The following YY1AP1 variants were observed in gnomAD, a reference collection of about 807,000 sequenced individuals.
YY1AP1 encodes YY1 associated protein 1, also known as YY1-associated protein 1.
YY1AP1 carries 43 observed loss-of-function variants against 39.9 expected under a neutral mutation model. The observed-to-expected ratio is 1.08, with a 90% CI of 0.84 to 1.39. The LOEUF (loss-of-function observed/expected upper bound fraction) is 1.39, where lower values mean the gene tolerates loss of function less well. Among genes scored for constraint, YY1AP1 ranks in the 40% most tolerant of loss-of-function variants. YY1AP1 has a pLI of 0.00. For synonymous variants in YY1AP1, 292 were observed against 331.3 expected (o/e 0.88, Z 1.29); for missense variants, 813 against 900.7 (o/e 0.90, Z 1.25).
chr1:155,680,843 A>G (rs192113971), intron 2 of YY1AP1, among the ~76,000 whole-genome samples: 247 of 152,332 alleles, frequency 1.6e-3, no homozygotes, highest in Non-Finnish European at 2.8e-3. Flanking sequence ...CTGGGGTTAC[A>G]GGCATGAGCC....
rs1207427776 is a variant in YY1AP1 at position 155,668,506 on chromosome 1, T to C, written c.879+121A>G. Reference sequence around the variant, plus strand: ...AGGCAACAGGGGAATTAATCTAGTATATAAGTAGGAGAAATTAGCTTTAGA... The same window carrying C: ...AGGCAACAGGGGAATTAATCTAGTACATAAGTAGGAGAAATTAGCTTTAGA... On this transcript the variant is annotated intron_variant, in intron 9 of 10. Coordinates refer to ENST00000355499, the MANE Select transcript of YY1AP1 (RefSeq NM_139119.3). 33 of 1,491,818 alleles carry C rather than the reference T, an allele frequency of 2.2e-5. No individual in the cohort carries two copies. In the African/African-American group the frequency reaches 2.9e-4, roughly 13 times the overall value. The allele number at this position is 1,491,818 out of a possible 1,614,324, so 92.4% of individuals were successfully genotyped here.
rs566119245 is a variant in YY1AP1, at chr1:155,674,789, G to A, written c.411+221C>T. 1.7e-4 allele frequency: 64 copies of A among 377,980 alleles called. 1 individual carries two copies. Among genetic ancestry groups the A allele is most frequent in the South Asian group, 1.7e-3 (57 of 34,004 alleles). The allele number at this position is 377,980 out of a possible 1,614,324, so 23.4% of individuals were successfully genotyped here. A position where few individuals can be genotyped will look rare whatever the true frequency, so the allele number is the denominator to read the frequency against. On this transcript the variant is annotated intron_variant, in intron 6 of 10. Coordinates refer to ENST00000355499, the MANE Select transcript of YY1AP1 (RefSeq NM_139119.3). The stretch of plus-strand genomic sequence containing the variant: ...TGCAGTGAACTGAAATTGTTCCACC[G>A]CACTCCATCCTGGGTGAAAGAGCAA...
At position 155,676,750 on chromosome 1, in the gene YY1AP1, T is replaced by C. The variant is rs748309806; in HGVS notation, c.126-4A>G. 3.7e-6 allele frequency: 6 copies of C among 1,613,794 alleles called. No individual in the cohort carries two copies. The highest frequency in any genetic ancestry group is 1.6e-4 in the Middle Eastern group (1 of 6,078). On this transcript the variant is annotated splice_polypyrimidine_tract_variant and splice_region_variant and intron_variant, in intron 4 of 10. Transcript: ENST00000355499. ...GTTGGCCAGTAGTTCCTCAAACCTA[T>C]CCCAAACGGGGATGACTGAATTTGA...
chr1:155,663,731 C>T (rs144757242), intron 9 of YY1AP1, among the ~76,000 whole-genome samples: 1 of 151,618 alleles, frequency 6.6e-6, no homozygotes, highest in African/African-American at 2.4e-5. Context: ...AACAAACAAA[C>T]AAACAAAAAC....
intron 1 of YY1AP1, 32 bp from the exon 2 acceptor site, chr1:155,688,233 G>C: frequency 5.0e-6 from 8 of 1,612,750 alleles, no homozygotes; most frequent in Non-Finnish European, 6.8e-6. Context: ...AGAAGGGAAA[G>C]GTGGAGGGCT....
At chr1:155,668,879 C>T (rs1216098363) in intron 8 of YY1AP1, 102 bp from the exon 9 acceptor site, 11 of 1,551,924 alleles carry the variant, frequency 7.1e-6, no homozygotes. Flanking sequence ...CTTACTTGTT[C>T]TTAAAACAAG....
intron 2 of YY1AP1, among the ~76,000 whole-genome samples, chr1:155,681,287 C>G (rs1651477898): frequency 6.6e-6 from 1 of 152,052 alleles, no homozygotes; most frequent in South Asian, 2.1e-4. Flanking sequence ...ACCTCAGCCT[C>G]CCAAAGTGCT....
Position 155,675,057 on chromosome 1 carries a change from A to G in YY1AP1, c.364T>C (p.Cys122Arg). ...GCCTCCGGATTGAGATTGGGGTTGC[A>G]GGTGGCAAGAAGGTGGATTTGTGTC... ...LLTQIHLLAT[C>R]NPNLNPEASS... The change falls in exon 6 of 11, where the codon TGC (cysteine) becomes CGC (arginine). Residue 122 changes from cysteine to arginine, a missense_variant. Transcript: ENST00000355499. 6.2e-7 allele frequency: 1 copy of G among 1,613,850 alleles called. No individual in the cohort carries two copies. The highest frequency in any genetic ancestry group is 8.5e-7 in the Non-Finnish European group (1 of 1,179,802).
chr1:155,667,980 A>G (rs889205391), intron 9 of YY1AP1, among the ~76,000 whole-genome samples: 1 of 151,674 alleles, frequency 6.6e-6, no homozygotes, highest in African/African-American at 2.4e-5. Context: ...ACACACACAT[A>G]CATGCATACA....
chr1:155,687,526 C>A (rs1652639658), intron 2 of YY1AP1, among the ~76,000 whole-genome samples: 1 of 139,330 alleles, frequency 7.2e-6, no homozygotes, highest in Non-Finnish European at 1.5e-5. Flanking sequence ...ATACACACAC[C>A]AACACAGCCG....
At chr1:155,681,085 C>T (rs1191051501) in intron 2 of YY1AP1, among the ~76,000 whole-genome samples, 6 of 149,912 alleles carry the variant, frequency 4.0e-5, no homozygotes, top group Non-Finnish European at 5.9e-5. Flanking sequence ...GGCTGGAGTG[C>T]GATGACACGA....
intron 9 of YY1AP1, among the ~76,000 whole-genome samples, chr1:155,661,936 G>A (rs1648231612): frequency 6.6e-6 from 1 of 152,142 alleles, no homozygotes; most frequent in African/African-American, 2.4e-5. Context: ...GATTACAGGC[G>A]TCAGCCACCG....
intron 9 of YY1AP1, among the ~76,000 whole-genome samples, chr1:155,667,590 G>A (rs1005367904): frequency 1.3e-5 from 2 of 152,092 alleles, no homozygotes; most frequent in Admixed American, 1.3e-4. Context: ...TAGGGAGGCC[G>A]AGGCAGATGG....
chr1:155,660,956 T>C (rs201476824), intron 10 of YY1AP1, 43 bp from the exon 11 acceptor site: 35 of 1,613,336 alleles, frequency 2.2e-5, no homozygotes, highest in East Asian at 6.7e-5. Flanking sequence ...ATGTCAGAAT[T>C]TGGGAAAAAG....
At chr1:155,682,279 C>G (rs923794465) in intron 2 of YY1AP1, among the ~76,000 whole-genome samples, 1 of 151,848 alleles carries the variant, frequency 6.6e-6, no homozygotes, top group Non-Finnish European at 1.5e-5. Flanking sequence ...TTATGTGTTC[C>G]TCTACAATGG....
chr1:155,680,430 C>T lies in YY1AP1; in HGVS notation c.7G>A (p.Asp3Asn), dbSNP rs1285728065. 1 of 1,613,482 alleles carries T rather than the reference C, an allele frequency of 6.2e-7. No homozygotes were observed. The highest frequency in any genetic ancestry group is 8.5e-7 in the Non-Finnish European group (1 of 1,179,694). The change falls in exon 3 of 11, where the codon GAT (aspartate) becomes AAT (asparagine). Residue 3 changes from aspartate (D) to asparagine (N), a missense_variant. Physicochemically the swap from Asp to Asn is conservative, Grantham distance 23. Coordinates refer to ENST00000355499, the MANE Select transcript of YY1AP1 (RefSeq NM_139119.3). ...TCATTACTCACAGTTTCAAACAGAT[C>T]TTCCATCAGCTCATTTGCTTCCTTT... MEDLFETFQDEMG... is the reference protein window; with the variant it reads MENLFETFQDEMG...
chr1:155,675,028 A>C lies in YY1AP1; in HGVS notation c.393T>G (p.Ser131Arg). 6.2e-7 allele frequency: 1 copy of C among 1,613,660 alleles called. No individual in the cohort carries two copies. The highest frequency in any genetic ancestry group is 8.5e-7 in the Non-Finnish European group (1 of 1,179,698). The stretch of plus-strand genomic sequence containing the variant: ...AACTTACAAGACATATCCTGGTGCT[A>C]CTGGCCTCCGGATTGAGATTGGGGT... ...TCNPNLNPEA[S>R]STRICLKELG... Residue 131 changes from serine to arginine, a missense_variant, in exon 6 of 11, where the codon AGT becomes AGG. Ser to Arg is a moderately radical substitution (Grantham distance 110, BLOSUM62 -1). Around this residue, in one of 3 missense-constraint regions of YY1AP1, gnomAD observed 196 missense variants for 189.7 expected, o/e 1.03. Transcript: ENST00000355499.
At chr1:155,680,008 T>G (rs1651288258) in intron 3 of YY1AP1, 2 of 233,296 alleles carry the variant, frequency 8.6e-6, no homozygotes, top group South Asian at 1.2e-4. Context: ...AGACCCTGTC[T>G]CTACAAAAAA....
In YY1AP1 at chr1:155,659,891, G is replaced by C. The variant is rs140052371; in HGVS notation, c.2019C>G (p.Pro673=). 3.9e-4 allele frequency: 622 copies of C among 1,614,172 alleles called. No individual in the cohort carries two copies. Among genetic ancestry groups the C allele is most frequent in the Non-Finnish European group, 4.8e-4 (569 of 1,180,032 alleles). ...GAGGCCCTGGGCTATGTTCCACTTT[G>C]GGGAAAACAGTAGCAGAGAGAGGAG... The part of the protein sequence containing the change: ...ELSPLSATVF[P]KVEHSPGPPP... The change falls in exon 11 of 11, where the codon CCC becomes CCG. Residue 673 remains proline (P), a synonymous_variant. Transcript: ENST00000355499.
Sources: gnomAD v4.1 joint callset for allele counts (sites outside exome capture counted in the v4.1 genomes callset) on GRCh38, gnomAD v4.1.1 for gene constraint, gnomAD v4.1.1 regional missense constraint, MANE v1.5 for transcripts, NCBI Gene and HGNC (gene_info 2026-07-23, HGNC 2026-07-21) for gene names.